The following NEMP2 variants were observed in gnomAD, a reference collection of about 807,000 sequenced individuals.
The protein encoded by NEMP2 is UPF0571 transmembrane protein.
Under a neutral mutation model 54.2 loss-of-function variants are expected in NEMP2, and 53 were observed. The observed-to-expected ratio is 0.98, with a 90% CI of 0.78 to 1.23. The LOEUF (loss-of-function observed/expected upper bound fraction) is 1.23. Ranked by LOEUF, NEMP2 falls within the 50% of genes most tolerant of loss-of-function variation. The pLI is 0.00. For missense variants in NEMP2, 455 were observed against 511.3 expected, an observed-to-expected ratio of 0.89 and a Z score of 1.06; for synonymous variants, 197 against 190.3, an observed-to-expected ratio of 1.04 and a Z score of -0.29.
At chr2:190,436,304 A>C in the NEMP2 span, 10 of 1,614,104 alleles carry the variant, frequency 6.2e-6, no homozygotes, top group Non-Finnish European at 8.5e-6. This position sits in a 1 kb window ranked among gnomAD's most constrained non-coding sequence, Gnocchi z 5.3. Context: ...TTGCCTGTGT[A>C]TTACAAACAG....
In NEMP2 at chr2:190,532,757, T is replaced by C. The variant is rs541646226; in HGVS notation, c.97+1802A>G. 7.9e-5 allele frequency among the ~76,000 whole-genome samples: 12 copies of C among 152,318 alleles called. No individual in the cohort carries two copies. In the South Asian group the frequency reaches 2.1e-3, roughly 26 times the overall value. ...TCCTCTCAGGGTCCTCAAGAAACCA[T>C]AGACTTTTAAAGAGCAGCTATGGTT... On this transcript the variant is annotated intron_variant, in intron 1 of 8. Transcript: ENST00000409150.
At chr2:190,586,273 T>G in the NEMP2 span, among the ~76,000 whole-genome samples, 1 of 152,030 alleles carries the variant, frequency 6.6e-6, no homozygotes, top group Non-Finnish European at 1.5e-5. The surrounding 1 kb of genome is among the most constrained non-coding windows in gnomAD (Gnocchi z 4.5). Flanking sequence ...GTGTCTGACA[T>G]GTGATTGATA....
At position 190,518,662 on chromosome 2, in the gene NEMP2, A is replaced by G. The variant is rs1424649991; in HGVS notation, c.518+74T>C. The G allele has an allele frequency of 3.3e-6, 4 of 1,215,184 alleles. No homozygotes were observed. The African/African-American group carries it at 6.2e-5, about 19-fold the overall frequency. The allele number at this position is 1,215,184 out of a possible 1,614,324, so 75.3% of individuals were successfully genotyped here. ...TACAAATGCACAATAGTGTGAAAAT[A>G]CTTAGCATGTGGTCAAAAATGATCT... is the stretch of plus-strand genomic sequence containing the variant. On this transcript the variant is annotated intron_variant, in intron 4 of 8. Coordinates refer to ENST00000409150, the MANE Select transcript of NEMP2 (RefSeq NM_001142645.2).
chr2:190,583,166 C>T, the NEMP2 span, among the ~76,000 whole-genome samples: 1 of 150,786 alleles, frequency 6.6e-6, no homozygotes, highest in South Asian at 2.1e-4. Flanking sequence ...GCAGCCTTAA[C>T]GATTTTTAAA....
At chr2:190,648,136 T>C in the NEMP2 span, 4 of 152,248 alleles carry the variant, frequency 2.6e-5, no homozygotes, top group Non-Finnish European at 1.5e-5. Flanking sequence ...GCCGTAGTTT[T>C]TCTACACCAT....
the NEMP2 span, among the ~76,000 whole-genome samples, chr2:190,572,871 A>ATATATATATG: frequency 1.6e-5 from 2 of 127,504 alleles, no homozygotes; most frequent in Admixed American, 7.8e-5. Context: ...ATATATATAT[A>ATATATATATG]TATATGTATA....
the NEMP2 span, among the ~76,000 whole-genome samples, chr2:190,561,802 A>G: frequency 1.3e-5 from 2 of 152,312 alleles, no homozygotes; most frequent in East Asian, 3.9e-4. This position sits in a 1 kb window ranked among gnomAD's most constrained non-coding sequence, Gnocchi z 5.4. Flanking sequence ...AATTAATGTC[A>G]CAGTTATTCT....
chr2:190,468,691 G>T, the NEMP2 span, among the ~76,000 whole-genome samples: 1 of 150,086 alleles, frequency 6.7e-6, no homozygotes, highest in African/African-American at 2.5e-5. Context: ...ACTCTTGGGC[G>T]CAAGTGATCC....
intron 1 of NEMP2, among the ~76,000 whole-genome samples, chr2:190,532,944 T>C (rs1267077668): frequency 6.6e-6 from 1 of 152,196 alleles, no homozygotes; most frequent in East Asian, 1.9e-4. Context: ...TTTTATCAAG[T>C]CAGTGGGCAT....
chr2:190,489,743 T>C, the NEMP2 span: 2 of 1,602,258 alleles, frequency 1.2e-6, no homozygotes, highest in South Asian at 2.2e-5. The surrounding 1 kb of genome is among the most constrained non-coding windows in gnomAD (Gnocchi z 6.6). Flanking sequence ...GGAATTACTC[T>C]ATAGAGTGCT....
At chr2:190,599,055 A>G in the NEMP2 span, among the ~76,000 whole-genome samples, 1 of 152,192 alleles carries the variant, frequency 6.6e-6, no homozygotes, top group Non-Finnish European at 1.5e-5. Flanking sequence ...ACTTGTGCCA[A>G]CTTTAAGCAG....
chr2:190,551,579 T>C, the NEMP2 span, among the ~76,000 whole-genome samples: 1 of 152,210 alleles, frequency 6.6e-6, no homozygotes, highest in African/African-American at 2.4e-5. Flanking sequence ...TGTATCATTT[T>C]CTTAATGTAT....
At chr2:190,425,453 G>A in the NEMP2 span, among the ~76,000 whole-genome samples, 25 of 152,312 alleles carry the variant, frequency 1.6e-4, no homozygotes, top group South Asian at 4.1e-4. This position sits in a 1 kb window ranked among gnomAD's most constrained non-coding sequence, Gnocchi z 4.3. Flanking sequence ...ATTAAGTGCA[G>A]TGTTACCCAT....
rs1400147089 is a variant in NEMP2, at chr2:190,523,365, T to C, written c.213+1898A>G. ...TAACTACTTTTAGTGTATTCTGGGATTAGGCAAATAAATAAATATATTTGA... is the reference window on the plus strand; with the variant it reads ...TAACTACTTTTAGTGTATTCTGGGACTAGGCAAATAAATAAATATATTTGA... On this transcript the variant is annotated intron_variant, in intron 2 of 8. Coordinates refer to ENST00000409150, the MANE Select transcript of NEMP2 (RefSeq NM_001142645.2). The surrounding 1 kb of genome is among the most constrained non-coding windows in gnomAD (Gnocchi z 5.3). Among the ~76,000 whole-genome samples the C allele has an allele frequency of 6.6e-6, 1 of 152,184 alleles. No homozygotes were observed. The highest frequency in any genetic ancestry group is 2.4e-5 in the African/African-American group (1 of 41,442).
the NEMP2 span, chr2:190,489,770 G>A: frequency 3.7e-6 from 6 of 1,613,840 alleles, no homozygotes; most frequent in Non-Finnish European, 5.1e-6. The surrounding 1 kb of genome is among the most constrained non-coding windows in gnomAD (Gnocchi z 6.6). Context: ...TTTTATAGGG[G>A]CTGCTGCAAC....
chr2:190,566,599 GAAAAGAAAGAAAATAA>G, the NEMP2 span, among the ~76,000 whole-genome samples: 1 of 121,612 alleles, frequency 8.2e-6, no homozygotes, highest in African/African-American at 3.0e-5. Flanking sequence ...AAACGGGAAA[GAAAAGAAAGAAAATAA>G]AAAAGAAAGG....
the NEMP2 span, chr2:190,607,771 G>T: frequency 3.3e-5 from 5 of 152,144 alleles, no homozygotes; most frequent in Non-Finnish European, 7.3e-5. The surrounding 1 kb of genome is among the most constrained non-coding windows in gnomAD (Gnocchi z 5.2). Flanking sequence ...GCCATTTCCA[G>T]GTAAAATTAC....
chr2:190,459,358 C>T, the NEMP2 span, among the ~76,000 whole-genome samples: 1 of 152,130 alleles, frequency 6.6e-6, no homozygotes, highest in African/African-American at 2.4e-5. This position sits in a 1 kb window ranked among gnomAD's most constrained non-coding sequence, Gnocchi z 5.3. Context: ...ACTCTTGAGG[C>T]CTTTTTAAAA....
the NEMP2 span, among the ~76,000 whole-genome samples, chr2:190,558,024 A>G: frequency 6.6e-6 from 1 of 152,182 alleles, no homozygotes; most frequent in African/African-American, 2.4e-5. The surrounding 1 kb of genome is among the most constrained non-coding windows in gnomAD (Gnocchi z 4.4). Flanking sequence ...ACATGCACAC[A>G]TATGTTTATT....
Sources: allele counts gnomAD v4.1 joint callset (sites outside exome capture counted in the v4.1 genomes callset), GRCh38; gene constraint gnomAD v4.1.1; non-coding constraint Gnocchi (gnomAD v3.1); transcripts MANE v1.5; gene names NCBI Gene and HGNC (gene_info 2026-07-23, HGNC 2026-07-21).